The following POM121 variants were observed in gnomAD, a reference collection of about 807,000 sequenced individuals.
The protein encoded by POM121 is nuclear envelope pore membrane protein POM 121.
In POM121, 32 loss-of-function variants were observed where a neutral mutation model predicts 81.3. That is an observed-to-expected ratio of 0.39 (90% CI 0.30 to 0.53). The LOEUF is 0.53. Ranked by LOEUF, POM121 falls within the 20% of genes least tolerant of loss-of-function variation. The pLI, the probability that POM121 is intolerant of heterozygous loss-of-function variation, is 0.66. For synonymous variants in POM121, 514 were observed against 694.2 expected (o/e 0.74, Z 4.08); for missense variants, 1,138 against 1,614.6 (o/e 0.70, Z 5.06).
rs534493284 is a variant in POM121 at position 72,946,365 on chromosome 7, G to C, written c.*131G>C. ...CCGGATCTCTGGCTTCAGCCGCCAG[G>C]GGGCAGTGGCAGCCCTGGGGCCCTT... On this transcript the variant is annotated 3_prime_UTR_variant, in exon 13 of 13. Coordinates refer to ENST00000434423, the MANE Select transcript of POM121 (RefSeq NM_001387691.1). The C allele has an allele frequency of 2.0e-5, 29 of 1,442,896 alleles. No individual in the cohort carries two copies. The highest frequency in any genetic ancestry group is 1.3e-4 in the East Asian group (5 of 39,032). 89.4% of individuals were successfully genotyped at this position (1,442,896 alleles called of 1,614,324 possible).
intron 3 of POM121, among the ~76,000 whole-genome samples, chr7:72,899,483 A>C (rs1453587364): frequency 6.6e-6 from 1 of 152,128 alleles, no homozygotes; most frequent in Non-Finnish European, 1.5e-5. Context: ...TGCCATGGGA[A>C]ATGTCGGAGA....
chr7:72,929,654 T>G (rs1795822264), intron 4 of POM121, among the ~76,000 whole-genome samples: 1 of 152,186 alleles, frequency 6.6e-6, no homozygotes, highest in South Asian at 2.1e-4. Flanking sequence ...ATCCCTCTCT[T>G]TACTTCCACC....
intron 5 of POM121, among the ~76,000 whole-genome samples, chr7:72,937,113 G>A (rs1247432959): frequency 6.6e-6 from 1 of 152,106 alleles, no homozygotes; most frequent in Non-Finnish European, 1.5e-5. Context: ...AAATTAGCTG[G>A]GTGTGGTGGC....
At chr7:72,937,083 T>C (rs1796581949) in intron 5 of POM121, among the ~76,000 whole-genome samples, 1 of 152,054 alleles carries the variant, frequency 6.6e-6, no homozygotes, top group Admixed American at 6.5e-5. Flanking sequence ...GGTGAAACCC[T>C]GTCTCTACTA....
intron 1 of POM121, among the ~76,000 whole-genome samples, chr7:72,881,629 CT>C (rs1189818584): frequency 6.6e-5 from 10 of 151,534 alleles, no homozygotes; most frequent in Non-Finnish European, 1.0e-4. Flanking sequence ...AGGATTCATA[CT>C]TTTTTTTTCT....
intron 4 of POM121, among the ~76,000 whole-genome samples, chr7:72,919,760 T>C (rs1159039484): frequency 1.3e-5 from 2 of 152,332 alleles, no homozygotes; most frequent in East Asian, 3.9e-4. Flanking sequence ...CCAGCTTTTA[T>C]GTGTCTGAAA....
At chr7:72,918,303 C>T (rs780155869) in intron 4 of POM121, among the ~76,000 whole-genome samples, 40 of 152,114 alleles carry the variant, frequency 2.6e-4, no homozygotes, top group Non-Finnish European at 5.0e-4. Context: ...TGACACTTTT[C>T]GGTACCGCTA....
chr7:72,948,639 G>T (rs369857971), downstream of POM121: 49 of 1,602,410 alleles, frequency 3.1e-5, no homozygotes, highest in Non-Finnish European at 4.2e-5. Flanking sequence ...ACCATCCTGC[G>T]CCTCCCAAGC....
intron 1 of POM121, among the ~76,000 whole-genome samples, chr7:72,882,695 C>T (rs1554489471): frequency 6.6e-6 from 1 of 152,130 alleles, no homozygotes; most frequent in East Asian, 1.9e-4. Context: ...GATCATCCGT[C>T]AAATATTTGT....
chr7:72,905,971 T>A (rs1586104241), intron 3 of POM121, among the ~76,000 whole-genome samples: 1 of 152,244 alleles, frequency 6.6e-6, no homozygotes, highest in Admixed American at 6.5e-5. Context: ...TACAATGTAA[T>A]GACCCTCAAA....
chr7:72,936,215 T>A (rs1796489088), intron 5 of POM121, among the ~76,000 whole-genome samples: 1 of 152,164 alleles, frequency 6.6e-6, no homozygotes, highest in African/African-American at 2.4e-5. Flanking sequence ...TTGGTAGAGA[T>A]GAGACTTCAC....
chr7:72,901,110 C>G (rs1392700830), intron 3 of POM121, among the ~76,000 whole-genome samples: 1 of 151,846 alleles, frequency 6.6e-6, no homozygotes, highest in Non-Finnish European at 1.5e-5. Context: ...CACAGTCTCT[C>G]AAATACTTGG....
At chr7:72,920,449 C>T (rs1794703529), upstream of POM121, among the ~76,000 whole-genome samples, 1 of 150,288 alleles carries the variant, frequency 6.7e-6, no homozygotes, top group Non-Finnish European at 1.5e-5. Flanking sequence ...CCTGGGTTCA[C>T]GCCATTCTCC....
intron 5 of POM121, among the ~76,000 whole-genome samples, chr7:72,932,005 A>G (rs1554498711): frequency 6.7e-6 from 1 of 150,284 alleles, no homozygotes; most frequent in Non-Finnish European, 1.5e-5. Flanking sequence ...TAATCAATAT[A>G]TCGTGTTTTA....
chr7:72,924,090 C>A (rs1468541363), upstream of POM121, among the ~76,000 whole-genome samples: 1 of 151,450 alleles, frequency 6.6e-6, no homozygotes, highest in Non-Finnish European at 1.5e-5. Flanking sequence ...GGACTACAGG[C>A]GGCACGCCCG....
chr7:72,912,540 G>A lies in POM121; in HGVS notation c.-215-1225G>A, dbSNP rs537209194. 2.0e-5 allele frequency among the ~76,000 whole-genome samples: 3 copies of A among 152,148 alleles called. No homozygotes were observed. The South Asian group carries it at 6.2e-4, about 32-fold the overall frequency. On this transcript the variant is annotated intron_variant, in intron 3 of 15. Transcript: ENST00000395270. ...ACCTGTAATCCTAGCACTTTGGGAG[G>A]CCGAAGCAGGTGGATCATGAAGTCA...
At chr7:72,914,937 G>A (rs1195739379) in intron 4 of POM121, among the ~76,000 whole-genome samples, 1 of 152,112 alleles carries the variant, frequency 6.6e-6, no homozygotes, top group Non-Finnish European at 1.5e-5. Context: ...CCCACCTGTT[G>A]GTGAGATGCA....
chr7:72,913,242 A>G (rs1793974823), intron 3 of POM121, among the ~76,000 whole-genome samples: 1 of 152,226 alleles, frequency 6.6e-6, no homozygotes, highest in African/African-American at 2.4e-5. Flanking sequence ...GGTGGCAGCA[A>G]CTTAACTCTT....
intron 5 of POM121, among the ~76,000 whole-genome samples, chr7:72,935,494 A>C (rs1796424803): frequency 6.6e-6 from 1 of 151,986 alleles, no homozygotes. Flanking sequence ...TATTTACATC[A>C]TCTCTATTTC....
Sources: allele counts gnomAD v4.1 joint callset (sites outside exome capture counted in the v4.1 genomes callset), GRCh38; gene constraint gnomAD v4.1.1; transcripts MANE v1.5; gene names NCBI Gene and HGNC (gene_info 2026-07-23, HGNC 2026-07-21).